ARHGAP26: variants seen among roughly 807,000 people sequenced by gnomAD.
The protein encoded by ARHGAP26 is rho GTPase-activating protein 26.
A neutral mutation model predicts 104.8 loss-of-function variants in ARHGAP26; 38 were observed. The observed-to-expected ratio is 0.36, with a 90% CI of 0.28 to 0.48. The LOEUF (loss-of-function observed/expected upper bound fraction) is 0.48. Among genes scored for constraint, ARHGAP26 ranks in the 20% least tolerant of loss-of-function variants. The pLI, the probability that ARHGAP26 is intolerant of heterozygous loss-of-function variation, is 0.99. For synonymous variants in ARHGAP26, 341 were observed against 340.0 expected, an observed-to-expected ratio of 1.00 and a Z score of -0.03; for missense variants, 704 against 947.9, an observed-to-expected ratio of 0.74 and a Z score of 3.38.
At chr5:142,984,313 C>T (rs897965629) in intron 11 of ARHGAP26, among the ~76,000 whole-genome samples, 5 of 152,174 alleles carry the variant, frequency 3.3e-5, no homozygotes, top group African/African-American at 1.2e-4. Flanking sequence ...TAAAATCTTG[C>T]TCCCACATAT....
At chr5:143,182,411 C>T (rs1434053726) in intron 20 of ARHGAP26, among the ~76,000 whole-genome samples, 1 of 152,174 alleles carries the variant, frequency 6.6e-6, no homozygotes, top group Non-Finnish European at 1.5e-5. Flanking sequence ...GTTTGTCTCT[C>T]CTCATGACAC....
intron 20 of ARHGAP26, among the ~76,000 whole-genome samples, chr5:143,156,515 C>G (rs1599275783): frequency 6.6e-6 from 1 of 152,144 alleles, no homozygotes; most frequent in African/African-American, 2.4e-5. Context: ...CACCCTAGAC[C>G]TATAGGATCA....
chr5:143,114,130 A>G (rs1029944506), intron 17 of ARHGAP26, among the ~76,000 whole-genome samples: 9 of 152,144 alleles, frequency 5.9e-5, no homozygotes, highest in Admixed American at 3.3e-4. Context: ...GCATTCAATT[A>G]ATTATTTCAG....
intron 5 of ARHGAP26, among the ~76,000 whole-genome samples, chr5:142,891,934 T>C (rs1190146729): frequency 6.6e-6 from 1 of 151,942 alleles, no homozygotes; most frequent in Non-Finnish European, 1.5e-5. Flanking sequence ...TAGTGAGAGT[T>C]GAGGTACTTC....
intron 21 of ARHGAP26, among the ~76,000 whole-genome samples, chr5:143,211,284 T>C (rs1809418292): frequency 6.6e-6 from 1 of 152,212 alleles, no homozygotes; most frequent in Non-Finnish European, 1.5e-5. Context: ...TCCCATGCAA[T>C]ATTTGGGACA....
At chr5:143,085,269 C>T (rs146816165) in intron 17 of ARHGAP26, among the ~76,000 whole-genome samples, 1 of 152,178 alleles carries the variant, frequency 6.6e-6, no homozygotes, top group East Asian at 1.9e-4. Context: ...ATAGAACATC[C>T]TCTGGTGGCA....
chr5:143,040,081 G>A (rs1029562401), intron 13 of ARHGAP26, among the ~76,000 whole-genome samples: 1 of 152,160 alleles, frequency 6.6e-6, no homozygotes, highest in African/African-American at 2.4e-5. Flanking sequence ...CCAGTGGGAG[G>A]TGGGATTGTG....
chr5:143,169,645 G>A (rs1327147112), intron 20 of ARHGAP26: 1 of 152,280 alleles, frequency 6.6e-6, no homozygotes, highest in Non-Finnish European at 1.5e-5. Flanking sequence ...AGGGGTATAA[G>A]TGAGCCTCTG....
At chr5:142,880,512 A>G (rs1040093439) in intron 4 of ARHGAP26, among the ~76,000 whole-genome samples, 1 of 117,088 alleles carries the variant, frequency 8.5e-6, no homozygotes, top group African/African-American at 4.5e-5. Flanking sequence ...GCAAGACTCC[A>G]TGTCCAAAAA....
intron 9 of ARHGAP26, among the ~76,000 whole-genome samples, chr5:142,909,897 T>G (rs1219948859): frequency 1.3e-5 from 2 of 152,220 alleles, no homozygotes; most frequent in Admixed American, 6.5e-5. Context: ...CTTTTGTATT[T>G]TCTCTATTCC....
rs1811818220 is a variant in ARHGAP26, at chr5:143,228,277, T to A, written c.*5831T>A. On this transcript the variant is annotated 3_prime_UTR_variant, in exon 23 of 23. Transcript: ENST00000645722. ...TGTGTGTATACAGCACATATTTACA[T>A]CTATGAAGACATAGACACTTACAGA... The A allele has an allele frequency of 4.5e-6, 1 of 224,478 alleles. No individual in the cohort carries two copies. Among genetic ancestry groups the A allele is most frequent in the Non-Finnish European group, 8.9e-6 (1 of 112,680 alleles). The allele number at this position is 224,478 out of a possible 1,614,324, so 13.9% of individuals were successfully genotyped here.
In ARHGAP26 at chr5:142,929,703, T is replaced by C. The variant is rs188331666; in HGVS notation, c.1029-2344T>C. Among the ~76,000 whole-genome samples, 4 of 152,342 alleles carry C rather than the reference T, an allele frequency of 2.6e-5. No individual in the cohort carries two copies. In the East Asian group the frequency reaches 7.7e-4, roughly 29 times the overall value. ...CAAGTGGCCCACCCTTCACAGCCTC[T>C]GAGGTTGTCGAACTTCCTCTGTGGC... On this transcript the variant is annotated intron_variant, in intron 10 of 22. Transcript: ENST00000645722.
chr5:143,013,725 A>G (rs897425975), intron 11 of ARHGAP26, among the ~76,000 whole-genome samples: 1 of 152,218 alleles, frequency 6.6e-6, no homozygotes, highest in Non-Finnish European at 1.5e-5. Context: ...TTCATGTGAA[A>G]TGCTTAGCAC....
chr5:142,937,579 A>T (rs550856177), intron 11 of ARHGAP26, among the ~76,000 whole-genome samples: 77 of 152,296 alleles, frequency 5.1e-4, no homozygotes, highest in African/African-American at 1.8e-3. Flanking sequence ...TCGCACAAAA[A>T]CCTGTATGCA....
At chr5:142,948,777 C>T (rs1767571218) in intron 11 of ARHGAP26, among the ~76,000 whole-genome samples, 1 of 151,950 alleles carries the variant, frequency 6.6e-6, no homozygotes, top group East Asian at 1.9e-4. Flanking sequence ...GAAATTCAGG[C>T]CAGTTTTATT....
chr5:142,786,750 A>G (rs1397396882), intron 1 of ARHGAP26, among the ~76,000 whole-genome samples: 1 of 147,606 alleles, frequency 6.8e-6, no homozygotes, highest in Non-Finnish European at 1.5e-5. Flanking sequence ...GGGCTGAAGC[A>G]ATTCTCCTGC....
intron 3 of ARHGAP26, among the ~76,000 whole-genome samples, chr5:142,876,277 G>A (rs151314439): frequency 3.3e-5 from 5 of 152,226 alleles, no homozygotes; most frequent in Non-Finnish European, 7.4e-5. Context: ...CATGCTAACA[G>A]TTGGTAGTTC....
chr5:142,903,878 C>A (rs531924583), intron 8 of ARHGAP26, among the ~76,000 whole-genome samples: 2 of 152,236 alleles, frequency 1.3e-5, no homozygotes, highest in African/African-American at 4.8e-5. Context: ...CCTTTGGGAA[C>A]CTGCAATTCT....
chr5:142,790,919 T>C (rs1355245621), intron 1 of ARHGAP26, among the ~76,000 whole-genome samples: 6 of 152,182 alleles, frequency 3.9e-5, no homozygotes, highest in Admixed American at 3.9e-4. Context: ...ATGGTACTTC[T>C]CACCCTCTAA....
Sources: allele counts gnomAD v4.1 joint callset (sites outside exome capture counted in the v4.1 genomes callset), GRCh38; gene constraint gnomAD v4.1.1; transcripts MANE v1.5; gene names NCBI Gene and HGNC (gene_info 2026-07-23, HGNC 2026-07-21).